PARP4: variants seen among roughly 807,000 people sequenced by gnomAD.
The protein encoded by PARP4 is protein mono-ADP-ribosyltransferase PARP4.
PARP4 carries 120 observed loss-of-function variants against 187.7 expected under a neutral mutation model. The observed-to-expected ratio is 0.64, with a 90% CI of 0.55 to 0.74. PARP4 has a LOEUF of 0.74. Among genes scored for constraint, PARP4 ranks in the 30% least tolerant of loss-of-function variants. The pLI is 0.00. For synonymous variants in PARP4, 654 were observed against 740.9 expected, an observed-to-expected ratio of 0.88 and a Z score of 1.90; for missense variants, 1,836 against 2,070.5, an observed-to-expected ratio of 0.89 and a Z score of 2.20.
At chr13:24,505,002 GC>G (rs1448889889) in intron 1 of PARP4, among the ~76,000 whole-genome samples, 1 of 120,100 alleles carries the variant, frequency 8.3e-6, no homozygotes, top group Non-Finnish European at 1.8e-5. Context: ...GCACACCCCC[GC>G]TTTTTTTTTT....
intron 3 of PARP4, among the ~76,000 whole-genome samples, chr13:24,501,424 T>C (rs17385745): frequency 0.033 from 4,981 of 152,344 alleles, 132 homozygotes; most frequent in Non-Finnish European, 0.043. Context: ...ATTTTGAGTC[T>C]GACCCTACTA....
At chr13:24,449,874 A>G in intron 24 of PARP4, 57 bp from the exon 25 acceptor site, 1 of 1,065,216 alleles carries the variant, frequency 9.4e-7, no homozygotes, top group African/African-American at 1.6e-5. Flanking sequence ...TTTGAAGTAC[A>G]TGTTAACAGT....
chr13:24,459,832 ATG>A (rs112048976), intron 18 of PARP4, 138 bp downstream of exon 18: 2 of 634,228 alleles, frequency 3.2e-6, no homozygotes, highest in South Asian at 2.3e-5. Flanking sequence ...ATGTATCTAA[ATG>A]CATGTCAGTA....
chr13:24,446,781 A>T lies in PARP4; in HGVS notation c.3286-20T>A, dbSNP rs1430194371. On this transcript the variant is annotated intron_variant, in intron 26 of 33. Coordinates refer to ENST00000381989, the MANE Select transcript of PARP4 (RefSeq NM_006437.4). ...AGTTGCCTGAAATGGGGAAAAAAAT[A>T]AATTCCTCATTAGCCTTTCCACTCT... The T allele has an allele frequency of 2.7e-6, 4 of 1,477,236 alleles. No homozygotes were observed. Among genetic ancestry groups the T allele is most frequent in the Non-Finnish European group, 3.8e-6 (4 of 1,056,078 alleles). 91.5% of individuals were successfully genotyped at this position (1,477,236 alleles called of 1,614,324 possible).
In PARP4 at chr13:24,501,615, T is replaced by G. The variant is rs1869286837; in HGVS notation, c.334+18A>C. The G allele has an allele frequency of 6.4e-7, 1 of 1,572,306 alleles. No individual in the cohort carries two copies. Among genetic ancestry groups the G allele is most frequent in the Non-Finnish European group, 8.8e-7 (1 of 1,142,232 alleles). ...ATGGCACCTATGATACGTTAAATGC[T>G]TGCTATGAAATACCTACCAGAACTG... is the stretch of plus-strand genomic sequence containing the variant. On this transcript the variant is annotated intron_variant, in intron 3 of 33. Transcript: ENST00000381989.
At chr13:24,511,855 T>C (rs1593666710) in intron 1 of PARP4, among the ~76,000 whole-genome samples, 1 of 152,250 alleles carries the variant, frequency 6.6e-6, no homozygotes, top group East Asian at 1.9e-4. Flanking sequence ...GCATCAGTAA[T>C]GCACCTCCCT....
rs780362450 is a variant in PARP4, at chr13:24,460,441, CGTGGGCTCTGCTGCACGG to C, written c.2134-323_2134-306del. Among the ~76,000 whole-genome samples the C allele has an allele frequency of 4.0e-3, 598 of 149,030 alleles. 7 individuals carry two copies. Among genetic ancestry groups the C allele is most frequent in the East Asian group, 7.0e-3 (35 of 5,014 alleles). On this transcript the variant is annotated intron_variant, in intron 17 of 33. Coordinates refer to ENST00000381989, the MANE Select transcript of PARP4 (RefSeq NM_006437.4). ...CTCTCATGTGTGAGCTCTCTGCACA[CGTGGGCTCTGCTGCACGG>C]GTGGGCTCTGCTGCACGGGTGGGCT... is the stretch of plus-strand genomic sequence containing the variant.
In PARP4 at chr13:24,460,009, G is replaced by C. The variant is rs1232321158; in HGVS notation, c.2261C>G (p.Pro754Arg). The change falls in exon 18 of 34, where the codon CCC becomes CGC. Residue 754 changes from proline to arginine, a missense_variant. Physicochemically the swap from Pro to Arg is moderately radical, Grantham distance 103. Around this residue, in one of 8 missense-constraint regions of PARP4, gnomAD observed 1,147 missense variants for 1,214.2 expected, o/e 0.94. Coordinates refer to ENST00000381989, the MANE Select transcript of PARP4 (RefSeq NM_006437.4). Reference sequence around the variant, plus strand: ...ATTCAAAGCCTTGTCCTGTTGCCAGGGTGCTACGGTGGCGGGCATGAAAAA... The same window carrying C: ...ATTCAAAGCCTTGTCCTGTTGCCAGCGTGCTACGGTGGCGGGCATGAAAAA... The part of the protein sequence containing the change: ...GVFFMPATVA[P>R]WQQDKALNEN... 1 of 1,614,014 alleles carries C rather than the reference G, an allele frequency of 6.2e-7. No individual in the cohort carries two copies. The highest frequency in any genetic ancestry group is 1.1e-5 in the South Asian group (1 of 91,070).
chr13:24,489,288 T>G (rs1005519087), intron 10 of PARP4, among the ~76,000 whole-genome samples: 6 of 152,152 alleles, frequency 3.9e-5, no homozygotes, highest in African/African-American at 1.4e-4. Context: ...CTCTATATCC[T>G]CACCAACACT....
At chr13:24,492,809 T>C (rs530165671) in intron 8 of PARP4, among the ~76,000 whole-genome samples, 5 of 152,354 alleles carry the variant, frequency 3.3e-5, no homozygotes, top group African/African-American at 7.2e-5. Flanking sequence ...TCAGTTTTAC[T>C]AGAAGAAAGA....
intron 29 of PARP4, among the ~76,000 whole-genome samples, chr13:24,442,367 T>C (rs1277935112): frequency 6.6e-6 from 1 of 152,298 alleles, no homozygotes; most frequent in Non-Finnish European, 1.5e-5. Flanking sequence ...ACATTAAAAA[T>C]GATAACATAC....
intron 16 of PARP4, 69 bp from the exon 17 acceptor site, chr13:24,469,179 CATCAAT>C: frequency 9.3e-7 from 1 of 1,079,646 alleles, no homozygotes. Context: ...AAGAAAACAA[CATCAAT>C]GTTTACTAAA....
chr13:24,424,045 A>G (rs1869894686), intron 33 of PARP4, among the ~76,000 whole-genome samples: 2 of 151,944 alleles, frequency 1.3e-5, no homozygotes, highest in African/African-American at 2.4e-5. Flanking sequence ...TCTGGGCTTG[A>G]TCTTGGTGGG....
chr13:24,509,708 T>G (rs560988209), intron 1 of PARP4, among the ~76,000 whole-genome samples: 50 of 152,010 alleles, frequency 3.3e-4, no homozygotes, highest in African/African-American at 1.1e-3. Context: ...GATTTTTATT[T>G]GTTTGTTTTT....
chr13:24,466,316 G>A (rs1325460467), intron 17 of PARP4, among the ~76,000 whole-genome samples: 1 of 152,010 alleles, frequency 6.6e-6, no homozygotes, highest in Non-Finnish European at 1.5e-5. Context: ...CAAGTAGCTG[G>A]GACTACAGGC....
chr13:24,482,628 G>A (rs1193276019), intron 12 of PARP4, among the ~76,000 whole-genome samples: 1 of 149,400 alleles, frequency 6.7e-6, no homozygotes, highest in Non-Finnish European at 1.5e-5. Flanking sequence ...TAGTAATAAA[G>A]TAAGTTAAAA....
At chr13:24,440,417 ATT>A (rs139324403) in intron 30 of PARP4, among the ~76,000 whole-genome samples, 53 of 49,044 alleles carry the variant, frequency 1.1e-3, no homozygotes, top group African/African-American at 2.9e-3. Flanking sequence ...AAAAATTAAA[ATT>A]AAAAAAAAAA....
chr13:24,429,265 T>C (rs561927214), intron 32 of PARP4, among the ~76,000 whole-genome samples: 1 of 152,364 alleles, frequency 6.6e-6, no homozygotes, highest in Admixed American at 6.5e-5. Flanking sequence ...ATATTTTTAA[T>C]AGCAGTTTTA....
chr13:24,434,714 C>G lies in PARP4; in HGVS notation c.4427G>C (p.Arg1476Thr). ...AGGTAAAGCAGAGGCCATTGGCAGC[C>G]TAAGGTTGGCAGTCAAAGAGGCTGC... ...PSAASLTANL[R>T]LPMASALPEA... Residue 1476 changes from arginine (R) to threonine (T), a missense_variant, in exon 31 of 34, where the codon AGG becomes ACG. Around this residue, in one of 8 missense-constraint regions of PARP4, gnomAD observed 450 missense variants for 439.2 expected, o/e 1.02. Transcript: ENST00000381989. The G allele has an allele frequency of 6.2e-7, 1 of 1,613,988 alleles. No homozygotes were observed. The highest frequency in any genetic ancestry group is 1.1e-5 in the South Asian group (1 of 91,070).
Sources: allele counts gnomAD v4.1 joint callset (sites outside exome capture counted in the v4.1 genomes callset), GRCh38; gene constraint gnomAD v4.1.1; regional missense constraint gnomAD v4.1.1; transcripts MANE v1.5; gene names NCBI Gene and HGNC (gene_info 2026-07-23, HGNC 2026-07-21).